Variants in CSMD2 observed in about 807,000 individuals in gnomAD.
The protein encoded by CSMD2 is CUB and sushi domain-containing protein 2.
In CSMD2, 130 loss-of-function variants were observed where a neutral mutation model predicts 398.5. That is an observed-to-expected ratio of 0.33 (90% CI 0.28 to 0.38). The LOEUF (loss-of-function observed/expected upper bound fraction) is 0.38. Ranked by LOEUF, CSMD2 falls within the 10% of genes least tolerant of loss-of-function variation. CSMD2 has a pLI of 1.00. For synonymous variants in CSMD2, 1,828 were observed against 1,908.5 expected, an observed-to-expected ratio of 0.96 and a Z score of 1.10; for missense variants, 3,829 against 4,764.9, an observed-to-expected ratio of 0.80 and a Z score of 5.78.
At chr1:33,789,594 G>C (rs906913742) in intron 11 of CSMD2, among the ~76,000 whole-genome samples, 2 of 152,370 alleles carry the variant, frequency 1.3e-5, no homozygotes, top group East Asian at 3.9e-4. Context: ...ATGGAGGCAG[G>C]GGGTTGTGGA....
intron 20 of CSMD2, 70 bp downstream of exon 20, chr1:33,716,216 G>T: frequency 7.7e-7 from 1 of 1,292,454 alleles, no homozygotes; most frequent in South Asian, 1.2e-5. Context: ...GAAAACCAGA[G>T]ACTGGTAGCA....
At position 33,870,571 on chromosome 1, in the gene CSMD2, T is replaced by C. The variant is rs1640389894; in HGVS notation, c.921-23575A>G. ...TCTCTGTTCAGGCTGCTGGGTGACA[T>C]TTCTATGTCTCCCCTTCAACGGTGA... On this transcript the variant is annotated intron_variant, in intron 5 of 70. Coordinates refer to ENST00000373381, the MANE Select transcript of CSMD2 (RefSeq NM_001281956.2). 3 of 152,166 alleles carry C rather than the reference T, an allele frequency of 2.0e-5. No individual in the cohort carries two copies. The South Asian group carries it at 6.2e-4, about 32-fold the overall frequency. The allele number at this position is 152,166 out of a possible 1,614,324, so 9.4% of individuals were successfully genotyped here.
intron 13 of CSMD2, among the ~76,000 whole-genome samples, chr1:33,754,395 C>A (rs997046120): frequency 6.6e-6 from 1 of 152,192 alleles, no homozygotes; most frequent in Non-Finnish European, 1.5e-5. Context: ...CTCTCCTTTG[C>A]CTTCTGCCAT....
intron 3 of CSMD2, among the ~76,000 whole-genome samples, chr1:34,020,478 G>C (rs2148110324): frequency 6.6e-6 from 1 of 152,278 alleles, no homozygotes; most frequent in East Asian, 1.9e-4. Context: ...AGCAAGGCCA[G>C]GGCTGGGGAC....
chr1:33,822,094 C>T (rs1268868377), intron 7 of CSMD2, among the ~76,000 whole-genome samples: 2 of 152,016 alleles, frequency 1.3e-5, no homozygotes, highest in African/African-American at 4.8e-5. Flanking sequence ...GGGGAGAAGG[C>T]GTGGTGAGAC....
chr1:33,785,563 A>T (rs2124828045), intron 12 of CSMD2, among the ~76,000 whole-genome samples: 1 of 152,328 alleles, frequency 6.6e-6, no homozygotes, highest in African/African-American at 2.4e-5. Flanking sequence ...AATGAGATGA[A>T]GTAATGTCTT....
chr1:34,040,543 C>A (rs1274347044), intron 2 of CSMD2, among the ~76,000 whole-genome samples: 1 of 152,196 alleles, frequency 6.6e-6, no homozygotes, highest in Admixed American at 6.5e-5. Flanking sequence ...GTGTTGCTCA[C>A]CTTGCATGTG....
intron 3 of CSMD2, among the ~76,000 whole-genome samples, chr1:33,987,077 T>C (rs1646384293): frequency 6.6e-6 from 1 of 152,024 alleles, no homozygotes; most frequent in Non-Finnish European, 1.5e-5. Flanking sequence ...AGGGGCTAAG[T>C]TCATCAAGTA....
chr1:33,768,416 T>C lies in CSMD2; in HGVS notation c.1846+4153A>G, dbSNP rs566261006. 2.6e-5 allele frequency among the ~76,000 whole-genome samples: 4 copies of C among 152,230 alleles called. No individual in the cohort carries two copies. In the East Asian group the frequency reaches 7.7e-4, roughly 29 times the overall value. On this transcript the variant is annotated intron_variant, in intron 13 of 70. Transcript: ENST00000373381. ...ATACTGCCCCACACAAAAAGAATTA[T>C]CTAGGCCAAAATATCAATAGTGCTA...
intron 5 of CSMD2, among the ~76,000 whole-genome samples, chr1:33,900,216 G>C (rs1025781783): frequency 4.6e-5 from 7 of 152,142 alleles, no homozygotes; most frequent in Non-Finnish European, 1.0e-4. Context: ...GCCTTGAGAG[G>C]GTCAGAAAGT....
intron 1 of CSMD2, among the ~76,000 whole-genome samples, chr1:34,114,257 T>A (rs1280370436): frequency 1.3e-5 from 2 of 152,186 alleles, no homozygotes; most frequent in Admixed American, 1.3e-4. Context: ...AGACTTTCCC[T>A]TGTGTAAAAC....
At position 33,823,203 on chromosome 1, in the gene CSMD2, A is replaced by G. The variant is rs746826816; in HGVS notation, c.1111+2494T>C. Among the ~76,000 whole-genome samples, 67 of 152,264 alleles carry G rather than the reference A, an allele frequency of 4.4e-4. No homozygotes were observed. The Middle Eastern group carries it at 0.01, about 23-fold the overall frequency. ...AGCCAGCCCCAGGTGAAACCCAGGC[A>G]CCATCCAGAAAGTCACAAACCCAAC... On this transcript the variant is annotated intron_variant, in intron 7 of 70. Transcript: ENST00000373381.
chr1:33,778,693 C>T (rs1241194977), intron 12 of CSMD2, among the ~76,000 whole-genome samples: 1 of 152,196 alleles, frequency 6.6e-6, no homozygotes, highest in African/African-American at 2.4e-5. Flanking sequence ...CCCCACGGCC[C>T]CTGCCCCTGG....
At chr1:33,523,700 TATG>T (rs1654516517) in intron 66 of CSMD2, among the ~76,000 whole-genome samples, 1 of 152,254 alleles carries the variant, frequency 6.6e-6, no homozygotes, top group Non-Finnish European at 1.5e-5. Context: ...TGTGTGAGAA[TATG>T]ATTTTGTCTT....
chr1:33,918,631 G>A (rs1244543650), intron 4 of CSMD2, among the ~76,000 whole-genome samples: 6 of 152,170 alleles, frequency 3.9e-5, no homozygotes, highest in Non-Finnish European at 8.8e-5. Context: ...AACAGCTCTA[G>A]ATGACTCATC....
intron 13 of CSMD2, among the ~76,000 whole-genome samples, chr1:33,765,424 T>C (rs1210313790): frequency 6.6e-6 from 1 of 152,158 alleles, no homozygotes; most frequent in African/African-American, 2.4e-5. Flanking sequence ...TTAACTACAT[T>C]TGAGGATTCA....
At chr1:34,090,478 C>T (rs575387444) in intron 1 of CSMD2, among the ~76,000 whole-genome samples, 2 of 152,282 alleles carry the variant, frequency 1.3e-5, no homozygotes, top group South Asian at 4.1e-4. Context: ...CCTCTGTGGG[C>T]CAGGCCCATC....
intron 2 of CSMD2, among the ~76,000 whole-genome samples, chr1:34,068,959 A>G (rs538614680): frequency 2.0e-5 from 3 of 152,180 alleles, no homozygotes; most frequent in Non-Finnish European, 4.4e-5. Context: ...AAGTCCATTA[A>G]ACCTCTTTCT....
intron 3 of CSMD2, among the ~76,000 whole-genome samples, chr1:33,965,983 C>G (rs1645543069): frequency 6.6e-6 from 1 of 152,164 alleles, no homozygotes; most frequent in South Asian, 2.1e-4. Context: ...AAGCACAGCA[C>G]AGGGAATAAG....
Sources: gnomAD v4.1 joint callset for allele counts (sites outside exome capture counted in the v4.1 genomes callset) on GRCh38, gnomAD v4.1.1 for gene constraint, MANE v1.5 for transcripts, NCBI Gene and HGNC (gene_info 2026-07-23, HGNC 2026-07-21) for gene names.